The following NT5DC1 variants were observed in gnomAD, a reference collection of about 807,000 sequenced individuals.
NT5DC1 encodes the protein 5'-nucleotidase domain-containing protein 1.
A neutral mutation model predicts 59.4 loss-of-function variants in NT5DC1; 42 were observed. The observed-to-expected ratio is 0.71, with a 90% CI of 0.55 to 0.92. NT5DC1 has a LOEUF of 0.92. Ranked by LOEUF, NT5DC1 falls within the 40% of genes least tolerant of loss-of-function variation. NT5DC1 has a pLI of 0.00. For missense variants in NT5DC1, 501 were observed against 537.1 expected (o/e 0.93, Z 0.66); for synonymous variants, 172 against 188.1 (o/e 0.91, Z 0.70).
chr6:116,102,355 C>T (rs1160896275), intron 1 of NT5DC1, among the ~76,000 whole-genome samples: 2 of 152,178 alleles, frequency 1.3e-5, no homozygotes, highest in Non-Finnish European at 2.9e-5. Context: ...TTACACTTTC[C>T]TGCTTTCTTA....
At chr6:116,120,234 A>G (rs748554488) in intron 6 of NT5DC1, 5 of 1,613,966 alleles carry the variant, frequency 3.1e-6, no homozygotes, top group Middle Eastern at 1.6e-4. Flanking sequence ...CCTTTGGTGT[A>G]TTCATCATAG....
rs74631272 is a variant in NT5DC1, at chr6:116,126,957, G to A, written c.529+9012G>A. Among the ~76,000 whole-genome samples the A allele has an allele frequency of 5.1e-3, 775 of 152,236 alleles. 8 individuals carry two copies. Among genetic ancestry groups the A allele is most frequent in the African/African-American group, 0.018 (740 of 41,546 alleles). ...CTATTGTTGTCAATTTTGGTAGTTA[G>A]ACTCTGTTTAACAATATTAGGAAGC... is the stretch of plus-strand genomic sequence containing the variant. On this transcript the variant is annotated intron_variant, in intron 6 of 11. Coordinates refer to ENST00000319550, the MANE Select transcript of NT5DC1 (RefSeq NM_152729.3).
At chr6:116,120,020 A>G (rs1779060108) in intron 6 of NT5DC1, 2 of 1,426,814 alleles carry the variant, frequency 1.4e-6, no homozygotes, top group Admixed American at 3.4e-5. Context: ...AGGGTGGGGT[A>G]GAGTTAGAGA....
At position 116,246,155 on chromosome 6, in the gene NT5DC1, G is replaced by T. The variant is rs913085638; in HGVS notation, c.*2131G>T. 4.6e-5 allele frequency: 7 copies of T among 152,050 alleles called. No homozygotes were observed. Among genetic ancestry groups the T allele is most frequent in the Non-Finnish European group, 7.4e-5 (5 of 67,982 alleles). 9.4% of individuals were successfully genotyped at this position (152,050 alleles called of 1,614,324 possible). On this transcript the variant is annotated 3_prime_UTR_variant, in exon 12 of 12. Coordinates refer to ENST00000319550, the MANE Select transcript of NT5DC1 (RefSeq NM_152729.3). The stretch of plus-strand genomic sequence containing the variant: ...AGAAGTTATATGAAGCAAAAAAATT[G>T]TATAAATGGACAGAAGACATGTAAT...
rs569471315 is a variant in NT5DC1 at position 116,219,504 on chromosome 6, C to T, written c.530-1550C>T. 7.2e-5 allele frequency among the ~76,000 whole-genome samples: 11 copies of T among 152,248 alleles called. No homozygotes were observed. The South Asian group carries it at 2.3e-3, about 32-fold the overall frequency. On this transcript the variant is annotated intron_variant, in intron 6 of 11. Coordinates refer to ENST00000319550, the MANE Select transcript of NT5DC1 (RefSeq NM_152729.3). ...TGATAGGTGTAGACTGATAGAGACCCTTGCCCTTCCTAGCATCACAGACCC... is the reference window on the plus strand; with the variant it reads ...TGATAGGTGTAGACTGATAGAGACCTTTGCCCTTCCTAGCATCACAGACCC...
At position 116,100,979 on chromosome 6, in the gene NT5DC1, C is replaced by G; in HGVS notation, c.49C>G (p.Leu17Val). The G allele has an allele frequency of 6.2e-7, 1 of 1,605,714 alleles. No individual in the cohort carries two copies. Among genetic ancestry groups the G allele is most frequent in the East Asian group, 2.3e-5 (1 of 43,882 alleles). The change falls in exon 1 of 12, where the codon CTG becomes GTG. Residue 17 changes from leucine (L) to valine (V), a missense_variant. By Grantham distance (32) the Leu-to-Val change is conservative (BLOSUM62 1). Transcript: ENST00000319550. ...LAACDVVGFD[L>V]DHTLCRYNLP... ...CGCCTGCGACGTGGTCGGATTCGAC[C>G]TGGACCACACTCTGTGTCGCTACAA...
At chr6:116,167,779 T>C (rs1243819400) in intron 6 of NT5DC1, among the ~76,000 whole-genome samples, 1 of 152,080 alleles carries the variant, frequency 6.6e-6, no homozygotes, top group Non-Finnish European at 1.5e-5. Context: ...AGCCCTCAAG[T>C]TGTTATGAAT....
chr6:116,152,432 T>C (rs963451751), intron 6 of NT5DC1, among the ~76,000 whole-genome samples: 2 of 152,124 alleles, frequency 1.3e-5, no homozygotes, highest in Non-Finnish European at 2.9e-5. Flanking sequence ...AAAACAACTT[T>C]TGAACTCCTG....
intron 8 of NT5DC1, among the ~76,000 whole-genome samples, chr6:116,234,036 C>T (rs1782068709): frequency 8.0e-6 from 1 of 125,516 alleles, no homozygotes; most frequent in African/African-American, 3.0e-5. Context: ...GAAGTCCAGT[C>T]TGCAATCGCC....
At position 116,193,405 on chromosome 6, in the gene NT5DC1, G is replaced by A. The variant is rs140232573; in HGVS notation, c.530-27649G>A. Among the ~76,000 whole-genome samples, 526 of 152,178 alleles carry A rather than the reference G, an allele frequency of 3.5e-3. 2 individuals are homozygous for A. The highest frequency in any genetic ancestry group is 0.012 in the African/African-American group (495 of 41,542). On this transcript the variant is annotated intron_variant, in intron 6 of 11. Coordinates refer to ENST00000319550, the MANE Select transcript of NT5DC1 (RefSeq NM_152729.3). ...TGTGGTGGAAGCAAAGAACACTGAC[G>A]TTTGAAAAATGAAAACTTGATTTCA...
At chr6:116,206,322 A>G (rs908082627) in intron 6 of NT5DC1, among the ~76,000 whole-genome samples, 1 of 152,016 alleles carries the variant, frequency 6.6e-6, no homozygotes, top group African/African-American at 2.4e-5. Flanking sequence ...TGTTTCACAT[A>G]TATCATTGCA....
intron 6 of NT5DC1, among the ~76,000 whole-genome samples, chr6:116,134,317 G>T (rs1038873082): frequency 6.6e-6 from 1 of 152,156 alleles, no homozygotes; most frequent in Non-Finnish European, 1.5e-5. Flanking sequence ...GGAGATAAAC[G>T]CCAGACACCA....
rs534394157 is a variant in NT5DC1 at position 116,246,650 on chromosome 6, G to A, written c.*2626G>A. 4.0e-4 allele frequency: 61 copies of A among 152,270 alleles called. No individual in the cohort carries two copies. The highest frequency in any genetic ancestry group is 1.4e-3 in the African/African-American group (60 of 41,584). 9.4% of individuals were successfully genotyped at this position (152,270 alleles called of 1,614,324 possible). The stretch of plus-strand genomic sequence containing the variant: ...GCTTTTTAAAATCTTCAGTGTTGGA[G>A]TAACAGTCCCTTACATCTTTTCAGC... On this transcript the variant is annotated 3_prime_UTR_variant, in exon 12 of 12. Coordinates refer to ENST00000319550, the MANE Select transcript of NT5DC1 (RefSeq NM_152729.3).
At chr6:116,209,528 C>T (rs1781529698) in intron 6 of NT5DC1, among the ~76,000 whole-genome samples, 2 of 151,922 alleles carry the variant, frequency 1.3e-5, no homozygotes, top group Admixed American at 1.3e-4. Context: ...TATAGTGTAA[C>T]ATGATGAATG....
intron 10 of NT5DC1, among the ~76,000 whole-genome samples, 160 bp downstream of exon 10, chr6:116,238,508 TATTA>T (rs1031250562): frequency 6.6e-6 from 1 of 151,546 alleles, no homozygotes; most frequent in African/African-American, 2.4e-5. Flanking sequence ...TGAAACTTTG[TATTA>T]ATTTTATTGA....
intron 8 of NT5DC1, among the ~76,000 whole-genome samples, chr6:116,228,051 A>G (rs1781943844): frequency 6.6e-6 from 1 of 152,222 alleles, no homozygotes; most frequent in Non-Finnish European, 1.5e-5. Context: ...TTTAACTAGC[A>G]GTCTACTGTG....
chr6:116,166,880 G>A lies in NT5DC1; in HGVS notation c.529+48935G>A, dbSNP rs150931488. ...AATGTCTGGAATCTGACCTTGAAAT[G>A]AGAATAATTTTTTGTTATTCAGAAT... is the stretch of plus-strand genomic sequence containing the variant. On this transcript the variant is annotated intron_variant, in intron 6 of 11. Coordinates refer to ENST00000319550, the MANE Select transcript of NT5DC1 (RefSeq NM_152729.3). Among the ~76,000 whole-genome samples, 378 of 152,234 alleles carry A rather than the reference G, an allele frequency of 2.5e-3. 2 individuals are homozygous for A. The highest frequency in any genetic ancestry group is 8.7e-3 in the African/African-American group (361 of 41,552).
intron 6 of NT5DC1, chr6:116,120,231 T>C: frequency 6.2e-7 from 1 of 1,614,184 alleles, no homozygotes; most frequent in Non-Finnish European, 8.5e-7. Context: ...TAGCCTTTGG[T>C]GTATTCATCA....
At chr6:116,204,758 G>T (rs1022020958) in intron 6 of NT5DC1, among the ~76,000 whole-genome samples, 1 of 151,860 alleles carries the variant, frequency 6.6e-6, no homozygotes, top group Non-Finnish European at 1.5e-5. Context: ...AGAATGAAGC[G>T]TTTCTAGAAT....
Sources: allele counts gnomAD v4.1 joint callset (sites outside exome capture counted in the v4.1 genomes callset), GRCh38; gene constraint gnomAD v4.1.1; transcripts MANE v1.5; gene names NCBI Gene and HGNC (gene_info 2026-07-23, HGNC 2026-07-21).